The following KATNIP variants were observed in gnomAD, a reference collection of about 807,000 sequenced individuals.
KATNIP encodes katanin interacting protein.
Under a neutral mutation model 174.0 loss-of-function variants are expected in KATNIP, and 126 were observed. That is an observed-to-expected ratio of 0.72 (90% CI 0.63 to 0.84). The LOEUF (loss-of-function observed/expected upper bound fraction) is 0.84, where lower values mean the gene tolerates loss of function less well. KATNIP is among the 40% of genes least tolerant of loss of function. The pLI is 0.00. For missense variants in KATNIP, 1,958 were observed against 2,109.7 expected (o/e 0.93, Z 1.41); for synonymous variants, 810 against 835.7 (o/e 0.97, Z 0.53).
At chr16:27,773,065 A>T (rs1393248486) in intron 22 of KATNIP, 34 bp from the exon 23 acceptor site, 4 of 1,297,614 alleles carry the variant, frequency 3.1e-6, no homozygotes, top group African/African-American at 1.5e-5. Context: ...AAAAAAAAAA[A>T]TTAAGCCTTC....
chr16:27,699,652 C>T lies in KATNIP; in HGVS notation c.1179+53C>T, dbSNP rs985579231. 42 of 1,610,902 alleles carry T rather than the reference C, an allele frequency of 2.6e-5. No individual in the cohort carries two copies. The Middle Eastern group carries it at 6.7e-4, about 26-fold the overall frequency. ...AAGCCCCACGCATGTGCGTAGCTCC[C>T]GATGGTGCCAGGCAGAGATGAATGA... On this transcript the variant is annotated intron_variant, in intron 10 of 27. Transcript: ENST00000261588.
chr16:27,582,600 G>A (rs2090740744), intron 2 of KATNIP, among the ~76,000 whole-genome samples: 1 of 152,196 alleles, frequency 6.6e-6, no homozygotes, highest in Non-Finnish European at 1.5e-5. Context: ...ATTAGAAGCA[G>A]TGCAGCAGAG....
intron 1 of KATNIP, among the ~76,000 whole-genome samples, chr16:27,567,124 T>C (rs1271393916): frequency 6.6e-6 from 1 of 152,198 alleles, no homozygotes; most frequent in East Asian, 1.9e-4. Context: ...GTGTTCTCTT[T>C]CCAGCAAGAT....
In KATNIP at chr16:27,701,644, G is replaced by A; in HGVS notation, c.1235G>A (p.Gly412Glu). 6.2e-7 allele frequency: 1 copy of A among 1,608,504 alleles called. No individual in the cohort carries two copies. Among genetic ancestry groups the A allele is most frequent in the African/African-American group, 1.3e-5 (1 of 74,976 alleles). ...CAGGAGCCGGCCGGGGCAGCAGGAG[G>A]AGCCAGGGCCATCAACCAGGCCATG... ...TTQEPAGAAG[G>E]ARAINQAMDR... The change falls in exon 11 of 28, where the codon GGA becomes GAA. Residue 412 changes from glycine to glutamate, a missense_variant. Transcript: ENST00000261588.
Position 27,775,107 on chromosome 16 carries a change from C to T in KATNIP, c.4449+23C>T, listed in dbSNP as rs139021060. The T allele has an allele frequency of 2.4e-4, 388 of 1,605,546 alleles. 1 individual carries two copies. In the African/African-American group the frequency reaches 4.8e-3, roughly 20 times the overall value. On this transcript the variant is annotated intron_variant, in intron 24 of 27. Coordinates refer to ENST00000261588, the MANE Select transcript of KATNIP (RefSeq NM_015202.5). ...CTGGTGGGTTCCCGGCAGCGGCCACCGCAGCTCCTGGCCCTCAGGCGGGCA... is the reference window on the plus strand; with the variant it reads ...CTGGTGGGTTCCCGGCAGCGGCCACTGCAGCTCCTGGCCCTCAGGCGGGCA...
At position 27,732,377 on chromosome 16, in the gene KATNIP, A is replaced by G. The variant is rs188850688; in HGVS notation, c.1744-7664A>G. ...CCTCCCAAGGGACACGTAAAAGACC[A>G]TGAATGAAGGTCACTTCCCAATGAA... On this transcript the variant is annotated intron_variant, in intron 14 of 27. Coordinates refer to ENST00000261588, the MANE Select transcript of KATNIP (RefSeq NM_015202.5). Among the ~76,000 whole-genome samples, 327 of 152,344 alleles carry G rather than the reference A, an allele frequency of 2.1e-3. 3 individuals are homozygous for G. Among genetic ancestry groups the G allele is most frequent in the African/African-American group, 7.5e-3 (313 of 41,564 alleles).
intron 7 of KATNIP, among the ~76,000 whole-genome samples, chr16:27,679,908 C>G (rs2078266087): frequency 6.6e-6 from 1 of 152,110 alleles, no homozygotes; most frequent in Non-Finnish European, 1.5e-5. Context: ...TTCCCTCTGC[C>G]CAGATGACCA....
intron 18 of KATNIP, among the ~76,000 whole-genome samples, chr16:27,757,163 C>T (rs2081764700): frequency 6.6e-6 from 1 of 152,204 alleles, no homozygotes; most frequent in Non-Finnish European, 1.5e-5. Context: ...CAGCTCACTG[C>T]AGCCTCATAC....
intron 12 of KATNIP, among the ~76,000 whole-genome samples, chr16:27,706,938 G>C (rs564177496): frequency 1.1e-3 from 160 of 152,310 alleles, no homozygotes; most frequent in African/African-American, 3.6e-3. Context: ...CTCAGACCCA[G>C]GGCAGCAGAG....
At chr16:27,592,056 T>C (rs560247957) in intron 2 of KATNIP, among the ~76,000 whole-genome samples, 4 of 152,084 alleles carry the variant, frequency 2.6e-5, no homozygotes, top group African/African-American at 9.7e-5. Context: ...GATCCAGCCA[T>C]TGATAAAATT....
intron 2 of KATNIP, among the ~76,000 whole-genome samples, chr16:27,582,700 G>T (rs561948583): frequency 6.6e-6 from 1 of 152,184 alleles, no homozygotes; most frequent in African/African-American, 2.4e-5. Context: ...TTCGTGATTC[G>T]ACTTCCCCCT....
intron 8 of KATNIP, among the ~76,000 whole-genome samples, chr16:27,681,868 G>A (rs929145033): frequency 1.1e-4 from 16 of 152,256 alleles, no homozygotes; most frequent in Admixed American, 2.6e-4. Context: ...GATTCAAGCC[G>A]TCACCTGATT....
At chr16:27,561,558 A>G (rs549947466) in intron 1 of KATNIP, among the ~76,000 whole-genome samples, 1 of 152,154 alleles carries the variant, frequency 6.6e-6, no homozygotes, top group South Asian at 2.1e-4. Flanking sequence ...CTCTGATTTA[A>G]CATGTCCTTT....
At chr16:27,595,310 C>T (rs1229089324) in intron 2 of KATNIP, among the ~76,000 whole-genome samples, 2 of 152,044 alleles carry the variant, frequency 1.3e-5, no homozygotes, top group African/African-American at 4.8e-5. Context: ...TCACTTGAGC[C>T]TGGGAAGTTG....
chr16:27,555,204 A>G (rs570697609), intron 1 of KATNIP, among the ~76,000 whole-genome samples: 12 of 152,340 alleles, frequency 7.9e-5, no homozygotes, highest in African/African-American at 2.4e-4. Flanking sequence ...GCCTTATTAG[A>G]AAGATGTTTA....
intron 14 of KATNIP, among the ~76,000 whole-genome samples, chr16:27,721,935 G>A (rs1054940344): frequency 6.6e-6 from 1 of 152,196 alleles, no homozygotes; most frequent in African/African-American, 2.4e-5. Flanking sequence ...CTGGAAAAAT[G>A]TAAGCTGAGA....
At chr16:27,594,135 C>G (rs995253189) in intron 2 of KATNIP, among the ~76,000 whole-genome samples, 10 of 151,658 alleles carry the variant, frequency 6.6e-5, no homozygotes, top group African/African-American at 2.2e-4. Context: ...TGGTGTGTGC[C>G]TGTAGTCTCA....
chr16:27,573,455 C>G (rs2090377176), intron 1 of KATNIP, among the ~76,000 whole-genome samples: 1 of 152,258 alleles, frequency 6.6e-6, no homozygotes. Flanking sequence ...TAATTCACAT[C>G]TGCACTGTCA....
intron 14 of KATNIP, among the ~76,000 whole-genome samples, chr16:27,736,130 G>A (rs2080886642): frequency 6.6e-6 from 1 of 152,166 alleles, no homozygotes; most frequent in African/African-American, 2.4e-5. Flanking sequence ...AGCCTCCCGA[G>A]TAGCTGGGAT....
Sources: allele counts gnomAD v4.1 joint callset (sites outside exome capture counted in the v4.1 genomes callset), GRCh38; gene constraint gnomAD v4.1.1; transcripts MANE v1.5; gene names NCBI Gene and HGNC (gene_info 2026-07-23, HGNC 2026-07-21).